The following MPDZ variants were observed in gnomAD, a reference collection of about 807,000 sequenced individuals.
MPDZ encodes multiple PDZ domain crumbs cell polarity complex component.
MPDZ carries 234 observed loss-of-function variants against 239.1 expected under a neutral mutation model. That is an observed-to-expected ratio of 0.98 (90% CI 0.88 to 1.09). MPDZ has a LOEUF of 1.09. Among genes scored for constraint, MPDZ ranks in the 50% least tolerant of loss-of-function variants. MPDZ has a pLI of 0.00. For synonymous variants in MPDZ, 1,048 were observed against 881.3 expected, an observed-to-expected ratio of 1.19 and a Z score of -3.35; for missense variants, 3,175 against 2,510.0, an observed-to-expected ratio of 1.26 and a Z score of -5.66.
At chr9:13,256,813 A>G (rs1969550024) in intron 1 of MPDZ, among the ~76,000 whole-genome samples, 1 of 152,264 alleles carries the variant, frequency 6.6e-6, no homozygotes, top group Admixed American at 6.5e-5. Flanking sequence ...ACAGACACAA[A>G]GTAAGCATGT....
At chr9:13,242,946 CA>C (rs537991036) in intron 3 of MPDZ, among the ~76,000 whole-genome samples, 11 of 152,296 alleles carry the variant, frequency 7.2e-5, no homozygotes, top group African/African-American at 2.2e-4. Flanking sequence ...CAGACATTGC[CA>C]AGTTTCCCTC....
chr9:13,113,767 G>A (rs1210206385), intron 41 of MPDZ, among the ~76,000 whole-genome samples, 164 bp downstream of exon 41: 2 of 152,146 alleles, frequency 1.3e-5, no homozygotes, highest in Admixed American at 6.5e-5. Context: ...GCTGCCATAG[G>A]CAGAACTTCA....
intron 3 of MPDZ, among the ~76,000 whole-genome samples, chr9:13,229,074 A>G (rs1253717193): frequency 6.6e-6 from 1 of 152,188 alleles, no homozygotes; most frequent in African/African-American, 2.4e-5. Flanking sequence ...TTTCTAGAGT[A>G]GCATCCAAGA....
In MPDZ at chr9:13,186,317, C is replaced by A; in HGVS notation, c.2434G>T (p.Glu812Ter). The change falls in exon 18 of 47, where the codon GAA becomes TAA. Residue 812 changes from glutamate (E) to a stop codon, truncating the protein, a stop_gained. Transcript: ENST00000319217. LOFTEE classifies it high-confidence loss of function. ...AGGGGTTTGTCAGCCAGCCCTGCTT[C>A]CTCACAGGAGTGTGGTGGGTAGAGA... ...SFLYPPHSCEEAGLADKPLFR... is the reference protein window; with the variant it reads ...SFLYPPHSCE 6.3e-7 allele frequency: 1 copy of A among 1,596,842 alleles called. No homozygotes were observed. The highest frequency in any genetic ancestry group is 8.5e-7 in the Non-Finnish European group (1 of 1,171,256).
Position 13,123,005 on chromosome 9 carries a change from A to G in MPDZ, c.4953+148T>C, listed in dbSNP as rs758728431. ...GGAAACCTCCCCCGTATCCAATTGA[A>G]TATTTGCCCTATAAATTAAAATAAC... On this transcript the variant is annotated intron_variant, in intron 36 of 46. Transcript: ENST00000319217. 1.8e-3 allele frequency: 1,444 copies of G among 814,732 alleles called. 8 individuals carry two copies. Among genetic ancestry groups the G allele is most frequent in the Non-Finnish European group, 1.2e-3 (690 of 557,974 alleles). The allele number at this position is 814,732 out of a possible 1,614,324, so 50.5% of individuals were successfully genotyped here.
chr9:13,232,382 T>C (rs1962744079), intron 3 of MPDZ, among the ~76,000 whole-genome samples: 2 of 152,112 alleles, frequency 1.3e-5, no homozygotes, highest in African/African-American at 4.8e-5. Flanking sequence ...CCCACACATA[T>C]ATGACCCCGT....
intron 1 of MPDZ, among the ~76,000 whole-genome samples, chr9:13,275,188 C>T (rs764981397): frequency 2.6e-5 from 4 of 152,232 alleles, no homozygotes; most frequent in Non-Finnish European, 4.4e-5. Flanking sequence ...ATGAGCTAAA[C>T]TGTGTCTCCT....
intron 22 of MPDZ, among the ~76,000 whole-genome samples, chr9:13,163,336 T>C (rs1310696705): frequency 1.3e-5 from 2 of 152,198 alleles, no homozygotes; most frequent in African/African-American, 4.8e-5. Flanking sequence ...AAGTCTGAAG[T>C]ATGAGATTAA....
intron 28 of MPDZ, among the ~76,000 whole-genome samples, chr9:13,138,552 G>T (rs1454806022): frequency 1.3e-5 from 2 of 152,166 alleles, no homozygotes; most frequent in African/African-American, 4.8e-5. Context: ...TCTCCCATAG[G>T]AATTTCAACA....
chr9:13,277,978 C>T (rs1201897669), intron 1 of MPDZ, among the ~76,000 whole-genome samples: 2 of 152,126 alleles, frequency 1.3e-5, no homozygotes, highest in Non-Finnish European at 1.5e-5. Context: ...ATTGTAATCA[C>T]TCATACCCAA....
intron 1 of MPDZ, among the ~76,000 whole-genome samples, chr9:13,258,412 G>C (rs901973192): frequency 6.6e-6 from 1 of 152,214 alleles, no homozygotes; most frequent in African/African-American, 2.4e-5. Flanking sequence ...ATGGCTTGCA[G>C]CTTGTCAGAG....
chr9:13,258,346 T>A (rs1969918525), intron 1 of MPDZ, among the ~76,000 whole-genome samples: 1 of 152,216 alleles, frequency 6.6e-6, no homozygotes, highest in South Asian at 2.1e-4. Context: ...AATTTTCTAC[T>A]TATCTTAAAC....
Position 13,224,545 on chromosome 9 carries a change from A to G in MPDZ, c.222T>C (p.Tyr74=). Residue 74 remains tyrosine (Y), a synonymous_variant, in exon 4 of 47, where the codon TAT becomes TAC. Coordinates refer to ENST00000319217, the MANE Select transcript of MPDZ (RefSeq NM_001378778.1). ...IATSATSNIE[Y]AHVPHLSPAV... ...CTGGGCTGAGATGAGGAACGTGGGCATATTCAATATTTGAAGTTGCTGAAG... is the reference window on the plus strand; with the variant it reads ...CTGGGCTGAGATGAGGAACGTGGGCGTATTCAATATTTGAAGTTGCTGAAG... 6.2e-7 allele frequency: 1 copy of G among 1,611,974 alleles called. No individual in the cohort carries two copies. The highest frequency in any genetic ancestry group is 1.1e-5 in the South Asian group (1 of 90,816).
chr9:13,247,278 G>A (rs1427548083), intron 3 of MPDZ, among the ~76,000 whole-genome samples: 2 of 152,138 alleles, frequency 1.3e-5, no homozygotes, highest in African/African-American at 4.8e-5. Context: ...CTGAATGTCC[G>A]AATCTGAATG....
Position 13,106,241 on chromosome 9 carries a change from C to T in MPDZ, c.*724G>A, listed in dbSNP as rs747811726. 5.3e-5 allele frequency: 8 copies of T among 152,020 alleles called. No individual in the cohort carries two copies. The highest frequency in any genetic ancestry group is 1.0e-4 in the Non-Finnish European group (7 of 67,990). The allele number at this position is 152,020 out of a possible 1,614,324, so 9.4% of individuals were successfully genotyped here. On this transcript the variant is annotated 3_prime_UTR_variant, in exon 47 of 47. Transcript: ENST00000319217. ...TGGCATCATCATTTACTTATAGCAA[C>T]ATGAAAATATTTTACAAAAGGTCAA...
At chr9:13,195,132 A>C (rs916859799) in intron 13 of MPDZ, among the ~76,000 whole-genome samples, 7 of 152,084 alleles carry the variant, frequency 4.6e-5, no homozygotes, top group African/African-American at 1.7e-4. Flanking sequence ...TACAAAAAAT[A>C]CAAAAATCAG....
intron 1 of MPDZ, among the ~76,000 whole-genome samples, chr9:13,256,414 C>T (rs1354730540): frequency 1.3e-5 from 2 of 152,238 alleles, no homozygotes; most frequent in African/African-American, 4.8e-5. Flanking sequence ...ACACACTTAG[C>T]TTTCAGCCTA....
chr9:13,233,324 T>C (rs745766647), intron 3 of MPDZ, among the ~76,000 whole-genome samples: 1 of 152,068 alleles, frequency 6.6e-6, no homozygotes, highest in African/African-American at 2.4e-5. Context: ...TCTAGAATAT[T>C]CAAACAGAAA....
intron 32 of MPDZ, among the ~76,000 whole-genome samples, chr9:13,129,506 T>A (rs890835913): frequency 2.6e-5 from 4 of 151,424 alleles, no homozygotes; most frequent in Non-Finnish European, 2.9e-5. Context: ...AATAAATAAA[T>A]GAAAAGAAAA....
Sources: gnomAD v4.1 joint callset for allele counts (sites outside exome capture counted in the v4.1 genomes callset) on GRCh38, gnomAD v4.1.1 for gene constraint, MANE v1.5 for transcripts, NCBI Gene and HGNC (gene_info 2026-07-23, HGNC 2026-07-21) for gene names.